ZFPM2: variants seen among roughly 807,000 people sequenced by gnomAD.
ZFPM2 encodes the protein zinc finger protein, FOG family member 2, also known as zinc finger protein ZFPM2.
ZFPM2 carries 20 observed loss-of-function variants against 98.6 expected under a neutral mutation model. That is an observed-to-expected ratio of 0.20 (90% CI 0.14 to 0.29). ZFPM2 has a LOEUF of 0.29. ZFPM2 is among the 10% of genes least tolerant of loss of function. The pLI is 1.00. For missense variants in ZFPM2, 1,310 were observed against 1,388.6 expected (o/e 0.94, Z 0.90); for synonymous variants, 518 against 502.7 (o/e 1.03, Z -0.41).
At chr8:105,517,122 A>G (rs1813940630) in intron 3 of ZFPM2, among the ~76,000 whole-genome samples, 1 of 152,226 alleles carries the variant, frequency 6.6e-6, no homozygotes, top group Non-Finnish European at 1.5e-5. Context: ...AAGAATAAAG[A>G]ATATGGAATA....
At chr8:105,335,522 G>T (rs1812311048) in intron 1 of ZFPM2, among the ~76,000 whole-genome samples, 1 of 151,722 alleles carries the variant, frequency 6.6e-6, no homozygotes, top group Admixed American at 6.6e-5. Context: ...GGTATGTCTT[G>T]CCATCAAGAA....
chr8:105,646,390 T>G (rs547149310), intron 5 of ZFPM2, among the ~76,000 whole-genome samples: 1 of 152,034 alleles, frequency 6.6e-6, no homozygotes, highest in Non-Finnish European at 1.5e-5. Flanking sequence ...GTTTAACCTT[T>G]AGGGAAGAAA....
intron 1 of ZFPM2, among the ~76,000 whole-genome samples, chr8:105,329,570 A>G (rs926650911): frequency 1.3e-4 from 19 of 151,872 alleles, no homozygotes; most frequent in African/African-American, 4.6e-4. Flanking sequence ...GTAAAGAGCT[A>G]CAAAATGTCA....
chr8:105,566,051 G>A (rs531086512), intron 4 of ZFPM2, among the ~76,000 whole-genome samples: 140 of 152,262 alleles, frequency 9.2e-4, no homozygotes, highest in African/African-American at 3.2e-3. Context: ...TCTGCAGGGA[G>A]GCCAGTCTTT....
intron 4 of ZFPM2, among the ~76,000 whole-genome samples, chr8:105,591,900 TAGAA>T (rs1243729990): frequency 6.6e-6 from 1 of 152,054 alleles, no homozygotes; most frequent in African/African-American, 2.4e-5. Context: ...AAGGTGAAAA[TAGAA>T]AGAAAAATTA....
At chr8:105,415,944 A>C (rs1460559508) in intron 1 of ZFPM2, among the ~76,000 whole-genome samples, 1 of 152,050 alleles carries the variant, frequency 6.6e-6, no homozygotes, top group Admixed American at 6.6e-5. Context: ...ATGTTCAAAA[A>C]ATTTTGAACA....
chr8:105,552,859 C>A (rs1405535060), intron 3 of ZFPM2, among the ~76,000 whole-genome samples: 1 of 149,290 alleles, frequency 6.7e-6, no homozygotes, highest in Non-Finnish European at 1.5e-5. Flanking sequence ...CTCTGTCACC[C>A]AGGCTGGAGT....
At chr8:105,393,330 C>CTGTCGG (rs1245789213) in intron 1 of ZFPM2, among the ~76,000 whole-genome samples, 1 of 132,834 alleles carries the variant, frequency 7.5e-6, no homozygotes, top group Non-Finnish European at 1.6e-5. Context: ...CCCTCTCTCT[C>CTGTCGG]TCTTTGCCTT....
chr8:105,699,370 T>C (rs777372558), intron 5 of ZFPM2, among the ~76,000 whole-genome samples: 102 of 152,246 alleles, frequency 6.7e-4, no homozygotes, highest in Non-Finnish European at 1.3e-3. Flanking sequence ...CCAAGAGAGA[T>C]GATGTTATTA....
intron 3 of ZFPM2, among the ~76,000 whole-genome samples, chr8:105,496,850 C>T (rs371079183): frequency 6.7e-6 from 1 of 149,560 alleles, no homozygotes. Flanking sequence ...CGCGTGGTGG[C>T]GCATGACTGT....
chr8:105,368,722 T>G (rs1445573935), intron 1 of ZFPM2, among the ~76,000 whole-genome samples: 5 of 152,190 alleles, frequency 3.3e-5, no homozygotes, highest in Non-Finnish European at 7.3e-5. Context: ...CTGTTTCCCT[T>G]TTCCTGGTTT....
intron 5 of ZFPM2, among the ~76,000 whole-genome samples, chr8:105,688,053 G>T (rs941618154): frequency 6.6e-6 from 1 of 151,910 alleles, no homozygotes; most frequent in Non-Finnish European, 1.5e-5. Context: ...AAGAAAATGG[G>T]TTCATGAATA....
At chr8:105,582,579 T>C (rs1211553429) in intron 4 of ZFPM2, among the ~76,000 whole-genome samples, 1 of 152,118 alleles carries the variant, frequency 6.6e-6, no homozygotes, top group Non-Finnish European at 1.5e-5. Context: ...ATAGAGGTGT[T>C]TGGCAGCAGT....
At chr8:105,537,696 A>C in intron 3 of ZFPM2, among the ~76,000 whole-genome samples, 1 of 151,994 alleles carries the variant, frequency 6.6e-6, no homozygotes, top group South Asian at 2.1e-4. Flanking sequence ...TAAAAGAAAA[A>C]GAAAGAAATA....
chr8:105,645,298 T>A (rs774404430), intron 5 of ZFPM2, among the ~76,000 whole-genome samples: 1 of 152,244 alleles, frequency 6.6e-6, no homozygotes, highest in African/African-American at 2.4e-5. Context: ...TTTACAAGAT[T>A]TATTTTCTCT....
chr8:105,500,946 G>A (rs1354761248), intron 3 of ZFPM2, among the ~76,000 whole-genome samples: 8 of 152,028 alleles, frequency 5.3e-5, no homozygotes, highest in Non-Finnish European at 1.2e-4. Flanking sequence ...AATTAGTTAA[G>A]CATCTGTTTA....
intron 4 of ZFPM2, among the ~76,000 whole-genome samples, chr8:105,583,881 G>T (rs1237575899): frequency 6.6e-6 from 1 of 152,132 alleles, no homozygotes; most frequent in Non-Finnish European, 1.5e-5. Context: ...TTTTAGTAAA[G>T]ACATCATGGA....
chr8:105,552,574 G>C (rs777520072), intron 3 of ZFPM2, among the ~76,000 whole-genome samples: 1 of 152,096 alleles, frequency 6.6e-6, no homozygotes, highest in Non-Finnish European at 1.5e-5. Context: ...ACCTTCTAAT[G>C]ACTTTTCCGA....
chr8:105,608,863 G>A (rs1485742640), intron 4 of ZFPM2, among the ~76,000 whole-genome samples: 1 of 151,868 alleles, frequency 6.6e-6, no homozygotes, highest in Non-Finnish European at 1.5e-5. Flanking sequence ...AATATAGAAA[G>A]TTAAGTGATT....
Sources: gnomAD v4.1 joint callset for allele counts (sites outside exome capture counted in the v4.1 genomes callset) on GRCh38, gnomAD v4.1.1 for gene constraint, MANE v1.5 for transcripts, NCBI Gene and HGNC (gene_info 2026-07-23, HGNC 2026-07-21) for gene names.